NIN: variants seen among roughly 807,000 people sequenced by gnomAD.
NIN encodes ninein.
Under a neutral mutation model 257.6 loss-of-function variants are expected in NIN, and 137 were observed. The ratio of observed to expected loss-of-function variants is 0.53; its 90% CI spans 0.46 to 0.61. NIN has a LOEUF of 0.61. NIN is among the 20% of genes least tolerant of loss of function. The probability of loss-of-function intolerance (pLI) is 0.00; values close to 1 mark genes in which losing one functional copy is unlikely to be tolerated. For synonymous variants in NIN, 918 were observed against 919.8 expected (o/e 1.00, Z 0.04); for missense variants, 2,439 against 2,501.2 (o/e 0.98, Z 0.53).
At position 50,739,463 on chromosome 14, in the gene NIN, G is replaced by A. The variant is rs371242462; in HGVS notation, c.5473C>T (p.His1825Tyr). 1.5e-5 allele frequency: 24 copies of A among 1,614,042 alleles called. No individual in the cohort carries two copies. Among genetic ancestry groups the A allele is most frequent in the Middle Eastern group, 1.6e-4 (1 of 6,078 alleles). ...TGCTGGTTATGGAGCCCTGATGGAT[G>A]AGTAGCTATCTCTGGGGCCCAGCTC... ...GKSWAPEIAT[H>Y]PSGLHNQQKR... The change falls in exon 26 of 31, where the codon CAT (histidine) becomes TAT (tyrosine). Residue 1825 changes from histidine (H) to tyrosine (Y), a missense_variant. His to Tyr is a moderately conservative substitution (Grantham distance 83, BLOSUM62 2). Coordinates refer to ENST00000530997, the MANE Select transcript of NIN (RefSeq NM_020921.4).
At chr14:50,797,965 T>G (rs2043917096) in intron 4 of NIN, among the ~76,000 whole-genome samples, 4 of 143,614 alleles carry the variant, frequency 2.8e-5, no homozygotes, top group African/African-American at 7.9e-5. Flanking sequence ...TGAGCTGGGG[T>G]GGAGGAAAGA....
chr14:50,816,531 CTG>C (rs1203703206), intron 3 of NIN, among the ~76,000 whole-genome samples: 1 of 152,106 alleles, frequency 6.6e-6, no homozygotes, highest in Non-Finnish European at 1.5e-5. Flanking sequence ...TTTGAGGAAA[CTG>C]TGCAGATATG....
rs1471949984 is a variant in NIN at position 50,743,536 on chromosome 14, CA to C, written c.5188-8del. 6.3e-7 allele frequency: 1 copy of C among 1,595,160 alleles called. No homozygotes were observed. The highest frequency in any genetic ancestry group is 8.6e-7 in the Non-Finnish European group (1 of 1,163,244). ...AAAGACTTGATTTTGCCAACTGTTTCAGGAAGGGAAAAAGAGGTAAGAGGGC... is the reference window on the plus strand; with the variant it reads ...AAAGACTTGATTTTGCCAACTGTTTCGGAAGGGAAAAAGAGGTAAGAGGGC... On this transcript the variant is annotated splice_polypyrimidine_tract_variant and splice_region_variant and intron_variant, in intron 23 of 30. Transcript: ENST00000530997.
chr14:50,757,823 G>A lies in NIN; in HGVS notation c.3207C>T (p.Ser1069=). 6.2e-7 allele frequency: 1 copy of A among 1,614,100 alleles called. No individual in the cohort carries two copies. Among genetic ancestry groups the A allele is most frequent in the Non-Finnish European group, 8.5e-7 (1 of 1,180,012 alleles). ...LLEENGDVLL[S]LQRAHEQAVK... ...CTGCCTGTTCATGAGCTCTCTGCAG[G>A]CTTAAGAGGACGTCCCCATTTTCTT... The change falls in exon 18 of 31, where the codon AGC becomes AGT. Residue 1069 remains serine (S), a synonymous_variant. Coordinates refer to ENST00000530997, the MANE Select transcript of NIN (RefSeq NM_020921.4).
chr14:50,730,970 C>G (rs749959907), intron 28 of NIN: 2 of 1,345,776 alleles, frequency 1.5e-6, no homozygotes, highest in Non-Finnish European at 9.8e-7. Context: ...TCTGCTACTT[C>G]CAACCACTGA....
At chr14:50,762,864 A>T (rs944652391) in intron 15 of NIN, among the ~76,000 whole-genome samples, 1 of 152,208 alleles carries the variant, frequency 6.6e-6, no homozygotes, top group Non-Finnish European at 1.5e-5. Flanking sequence ...ATTTGATGGC[A>T]TATTCCCAAA....
intron 5 of NIN, among the ~76,000 whole-genome samples, chr14:50,790,273 C>G (rs2043534654): frequency 6.6e-6 from 1 of 152,148 alleles, no homozygotes; most frequent in South Asian, 2.1e-4. Context: ...CCGGGCTGGT[C>G]TTGAACTCCT....
chr14:50,735,623 T>G lies in NIN; in HGVS notation c.5776-6A>C, dbSNP rs747054309. The stretch of plus-strand genomic sequence containing the variant: ...AGGGAATTCATCTGACTGACCTGTT[T>G]AAAAAAAACAAAATATTCCCTTGAA... On this transcript the variant is annotated splice_region_variant and splice_polypyrimidine_tract_variant and intron_variant, in intron 27 of 30. Coordinates refer to ENST00000530997, the MANE Select transcript of NIN (RefSeq NM_020921.4). The G allele has an allele frequency of 6.2e-7, 1 of 1,600,552 alleles. No individual in the cohort carries two copies. The highest frequency in any genetic ancestry group is 8.5e-7 in the Non-Finnish European group (1 of 1,176,926).
At chr14:50,826,944 T>C (rs1215282764) in intron 2 of NIN, among the ~76,000 whole-genome samples, 1 of 152,172 alleles carries the variant, frequency 6.6e-6, no homozygotes, top group African/African-American at 2.4e-5. Context: ...GTCCACAGAC[T>C]AGGCAGTGAC....
chr14:50,756,606 A>C lies in NIN; in HGVS notation c.4424T>G (p.Leu1475Ter). The change falls in exon 18 of 31, where the codon TTA becomes TGA. Residue 1475 changes from leucine to a stop codon, truncating the protein, a stop_gained. Transcript: ENST00000530997. LOFTEE classifies it high-confidence loss of function. ...AGAAAGTACATCTTTTTGCTTAACT[A>C]AAATAGTGACTCTCTCCTTCAACTT... ...TRKLKERVTI[L>*]VKQKDVLSHG... The C allele has an allele frequency of 1.3e-6, 2 of 1,585,622 alleles. No individual in the cohort carries two copies. The highest frequency in any genetic ancestry group is 8.6e-7 in the Non-Finnish European group (1 of 1,163,686).
chr14:50,820,412 A>C (rs1261209084), intron 3 of NIN, among the ~76,000 whole-genome samples: 1 of 152,126 alleles, frequency 6.6e-6, no homozygotes, highest in Non-Finnish European at 1.5e-5. Flanking sequence ...TAAGAAAACC[A>C]CTCAAGGAAA....
At chr14:50,814,690 GAC>G (rs2044797516) in intron 3 of NIN, among the ~76,000 whole-genome samples, 2 of 152,150 alleles carry the variant, frequency 1.3e-5, no homozygotes, top group South Asian at 4.1e-4. Context: ...TAGAAAAACA[GAC>G]ACATAGACCA....
At chr14:50,804,187 G>A (rs557580670) in intron 4 of NIN, among the ~76,000 whole-genome samples, 19 of 152,230 alleles carry the variant, frequency 1.2e-4, no homozygotes, top group African/African-American at 3.9e-4. Context: ...ATGAGCCACC[G>A]CACCCAGCTC....
chr14:50,732,721 T>A (rs2040778489), intron 28 of NIN, among the ~76,000 whole-genome samples: 1 of 102,410 alleles, frequency 9.8e-6, no homozygotes. Flanking sequence ...TTTTGTTTGT[T>A]TTTTTGTTTT....
At chr14:50,825,907 C>T (rs138070307) in intron 2 of NIN, among the ~76,000 whole-genome samples, 358 of 152,284 alleles carry the variant, frequency 2.4e-3, no homozygotes, top group African/African-American at 8.1e-3. Flanking sequence ...CTACAAGGCA[C>T]CAGGGATATA....
rs775457427 is a variant in NIN at position 50,756,528 on chromosome 14, G to A, written c.4502C>T (p.Thr1501Met). 8 of 1,611,538 alleles carry A rather than the reference G, an allele frequency of 5.0e-6. No individual in the cohort carries two copies. Among genetic ancestry groups the A allele is most frequent in the Middle Eastern group, 1.6e-4 (1 of 6,074 alleles). The change falls in exon 18 of 31, where the codon ACG becomes ATG. Residue 1501 changes from threonine to methionine, a missense_variant. Thr to Met is a moderately conservative substitution (Grantham distance 81). Around this residue, in one of 3 missense-constraint regions of NIN, gnomAD observed 2,043 missense variants for 2,050.2 expected, o/e 1.00. Coordinates refer to ENST00000530997, the MANE Select transcript of NIN (RefSeq NM_020921.4). ...AACTTTTTGCTGCATCTCACTGCAC[G>A]TGATCTGCAAGTCATGCATCATTGC... ...LKAMMHDLQI[T>M]CSEMQQKVEL... is the part of the protein sequence containing the mutation.
Position 50,743,426 on chromosome 14 carries a change from G to C in NIN, c.5291C>G (p.Ser1764Cys). ...SASLKSQLVASQEKVQNLEDT... is the reference protein window; with the variant it reads ...SASLKSQLVACQEKVQNLEDT... ...GAATTGTCCATGTACCTTTTCCTGA[G>C]AAGCCACCAGCTGTGACTTTAAGCT... Residue 1764 changes from serine (S) to cysteine (C), a missense_variant, in exon 24 of 31, where the codon TCT (serine) becomes TGT (cysteine). Physicochemically the swap from Ser to Cys is moderately radical, Grantham distance 112. This residue lies in a region of NIN where 2,043 missense variants were observed against 2,050.2 expected (regional missense o/e 1.00). Coordinates refer to ENST00000530997, the MANE Select transcript of NIN (RefSeq NM_020921.4). The C allele has an allele frequency of 6.2e-7, 1 of 1,606,442 alleles. No homozygotes were observed. Among genetic ancestry groups the C allele is most frequent in the Non-Finnish European group, 8.5e-7 (1 of 1,173,084 alleles).
At chr14:50,806,664 C>T in intron 4 of NIN, 73 bp downstream of exon 4, 1 of 797,282 alleles carries the variant, frequency 1.3e-6, no homozygotes, top group African/African-American at 1.7e-5. Flanking sequence ...CATATACATG[C>T]TTCAAGGTCC....
chr14:50,731,781 G>A (rs551881964), intron 28 of NIN, among the ~76,000 whole-genome samples: 4 of 152,212 alleles, frequency 2.6e-5, no homozygotes, highest in East Asian at 1.9e-4. Flanking sequence ...AGCTGAAATC[G>A]CGCCACTGCA....
Sources: allele counts gnomAD v4.1 joint callset (sites outside exome capture counted in the v4.1 genomes callset), GRCh38; gene constraint gnomAD v4.1.1; regional missense constraint gnomAD v4.1.1; transcripts MANE v1.5; gene names NCBI Gene and HGNC (gene_info 2026-07-23, HGNC 2026-07-21).